Variants in LRBA observed in about 807,000 individuals in gnomAD.
LRBA encodes the protein lipopolysaccharide-responsive and beige-like anchor protein.
A neutral mutation model predicts 330.0 loss-of-function variants in LRBA; 176 were observed. The ratio of observed to expected loss-of-function variants is 0.53; its 90% CI spans 0.47 to 0.60. The LOEUF is 0.60. Among genes scored for constraint, LRBA ranks in the 20% least tolerant of loss-of-function variants. LRBA has a pLI of 0.00. For missense variants in LRBA, 3,259 were observed against 3,444.8 expected (o/e 0.95, Z 1.35); for synonymous variants, 1,230 against 1,193.0 (o/e 1.03, Z -0.64).
intron 34 of LRBA, among the ~76,000 whole-genome samples, chr4:150,789,329 G>A (rs1425746248): frequency 6.6e-6 from 1 of 151,966 alleles, no homozygotes; most frequent in Non-Finnish European, 1.5e-5. Flanking sequence ...TGCTAAAACT[G>A]TATATATATT....
chr4:150,288,545 C>T (rs1325766445), intron 53 of LRBA, among the ~76,000 whole-genome samples: 1 of 152,028 alleles, frequency 6.6e-6, no homozygotes, highest in African/African-American at 2.4e-5. Context: ...GCCGAGATCA[C>T]GCCACTGCAC....
intron 20 of LRBA, among the ~76,000 whole-genome samples, chr4:150,868,864 G>A (rs1035375620): frequency 6.6e-6 from 1 of 152,130 alleles, no homozygotes; most frequent in South Asian, 2.1e-4. Context: ...CTTGAACCCA[G>A]GAGGCAGAGG....
At chr4:150,948,833 C>A (rs1014087537) in intron 2 of LRBA, among the ~76,000 whole-genome samples, 3 of 151,892 alleles carry the variant, frequency 2.0e-5, no homozygotes, top group African/African-American at 7.2e-5. Flanking sequence ...AACACACACA[C>A]ACAAAAAGTC....
chr4:150,824,024 C>T (rs1745862969), intron 30 of LRBA, among the ~76,000 whole-genome samples: 1 of 152,070 alleles, frequency 6.6e-6, no homozygotes. Flanking sequence ...CTTTGGGTAG[C>T]ATGAACATTT....
At chr4:150,723,992 G>T (rs1248882322) in intron 36 of LRBA, among the ~76,000 whole-genome samples, 1 of 152,248 alleles carries the variant, frequency 6.6e-6, no homozygotes, top group Non-Finnish European at 1.5e-5. Flanking sequence ...AAAGTGAAGA[G>T]TAGGAAAGAC....
intron 44 of LRBA, among the ~76,000 whole-genome samples, chr4:150,458,677 A>G (rs1344501461): frequency 6.6e-6 from 1 of 151,680 alleles, no homozygotes. Context: ...CTCTTCTATT[A>G]ATTTTTATAC....
chr4:150,471,312 T>A (rs988779328), intron 43 of LRBA, among the ~76,000 whole-genome samples: 2 of 152,100 alleles, frequency 1.3e-5, no homozygotes, highest in African/African-American at 4.8e-5. Context: ...AAACCTTATT[T>A]TCTCCTTACT....
At chr4:150,797,737 T>A (rs1344729382) in intron 34 of LRBA, among the ~76,000 whole-genome samples, 1 of 152,048 alleles carries the variant, frequency 6.6e-6, no homozygotes, top group Non-Finnish European at 1.5e-5. Flanking sequence ...AACCCATAAT[T>A]CCCAGTGGAG....
intron 41 of LRBA, among the ~76,000 whole-genome samples, chr4:150,489,604 T>TAATATATAAGAATATAG (rs1758608611): frequency 1.5e-5 from 1 of 65,992 alleles, no homozygotes; most frequent in Non-Finnish European, 3.2e-5. Context: ...TAAGAATATA[T>TAATATATAAGAATATAG]AATATATAAT....
At chr4:150,559,908 T>TATATATAA in intron 40 of LRBA, among the ~76,000 whole-genome samples, 1 of 57,698 alleles carries the variant, frequency 1.7e-5, no homozygotes, top group African/African-American at 6.9e-5. Flanking sequence ...TATATAATTA[T>TATATATAA]ATATAATATA....
intron 35 of LRBA, among the ~76,000 whole-genome samples, chr4:150,745,106 G>A (rs1303600360): frequency 6.6e-6 from 1 of 152,102 alleles, no homozygotes. Flanking sequence ...GCATGGAACT[G>A]AATTCTGCCA....
In LRBA at chr4:150,584,353, A is replaced by G. The variant is rs75417434; in HGVS notation, c.6330+3695T>C. On this transcript the variant is annotated intron_variant, in intron 40 of 56. Coordinates refer to ENST00000651943, the MANE Select transcript of LRBA (RefSeq NM_001364905.1). ...ACAATGTGAATTTAAAAGGTCACACAAAAGAAGCAATCGGGCTCCGCCACC... is the reference window on the plus strand; with the variant it reads ...ACAATGTGAATTTAAAAGGTCACACGAAAGAAGCAATCGGGCTCCGCCACC... 845 of 376,614 alleles carry G rather than the reference A, an allele frequency of 2.2e-3. 26 individuals carry two copies. The East Asian group carries it at 0.033, about 15-fold the overall frequency. The allele number at this position is 376,614 out of a possible 1,614,324, so 23.3% of individuals were successfully genotyped here.
chr4:150,642,522 T>C (rs1381701886), intron 37 of LRBA, among the ~76,000 whole-genome samples: 2 of 151,870 alleles, frequency 1.3e-5, no homozygotes, highest in African/African-American at 4.8e-5. Flanking sequence ...AATATATTAA[T>C]AGGAAAGAAA....
chr4:150,897,013 CAAG>C (rs1730159225), intron 15 of LRBA, among the ~76,000 whole-genome samples: 1 of 146,896 alleles, frequency 6.8e-6, no homozygotes, highest in South Asian at 2.1e-4. Flanking sequence ...AAAAACACCA[CAAG>C]AAGAAAAGAA....
intron 34 of LRBA, among the ~76,000 whole-genome samples, chr4:150,763,332 T>G (rs1192836385): frequency 6.6e-6 from 1 of 151,932 alleles, no homozygotes; most frequent in Non-Finnish European, 1.5e-5. Flanking sequence ...AAGTGTATTC[T>G]AGGTATAATT....
intron 48 of LRBA, among the ~76,000 whole-genome samples, chr4:150,338,282 G>A (rs1735012178): frequency 2.6e-5 from 4 of 152,132 alleles, no homozygotes; most frequent in Admixed American, 2.6e-4. Context: ...AATGCAAATA[G>A]AGCTGAGTTC....
chr4:150,542,050 A>G (rs1765371014), intron 40 of LRBA, among the ~76,000 whole-genome samples: 1 of 152,230 alleles, frequency 6.6e-6, no homozygotes, highest in African/African-American at 2.4e-5. Context: ...GCAATAAAGC[A>G]TATGTTATGT....
intron 47 of LRBA, among the ~76,000 whole-genome samples, chr4:150,391,188 G>T (rs1027809286): frequency 6.6e-6 from 1 of 152,064 alleles, no homozygotes; most frequent in African/African-American, 2.4e-5. Flanking sequence ...GTGGATATAC[G>T]GGGTGACTGC....
At chr4:150,430,359 CAA>C (rs1750213591) in intron 46 of LRBA, among the ~76,000 whole-genome samples, 1 of 152,134 alleles carries the variant, frequency 6.6e-6, no homozygotes, top group African/African-American at 2.4e-5. Context: ...CAAACTCTCC[CAA>C]GTCTCCCCAC....
Sources: gnomAD v4.1 joint callset for allele counts (sites outside exome capture counted in the v4.1 genomes callset) on GRCh38, gnomAD v4.1.1 for gene constraint, MANE v1.5 for transcripts, NCBI Gene and HGNC (gene_info 2026-07-23, HGNC 2026-07-21) for gene names.